Variants in FLG observed in about 807,000 individuals in gnomAD.
FLG encodes epidermal filaggrin.
FLG carries 6 observed loss-of-function variants against 3.8 expected under a neutral mutation model. The observed-to-expected ratio is 1.60, with a 90% CI of 0.87 to 3.15. FLG has a LOEUF of 3.15. Among genes scored for constraint, FLG ranks in the 30% most tolerant of loss-of-function variants. The pLI, the probability that FLG is intolerant of heterozygous loss-of-function variation, is 0.00. For missense variants in FLG, 7,595 were observed against 5,050.9 expected, an observed-to-expected ratio of 1.50 and a Z score of -15.27; for synonymous variants, 2,551 against 1,931.6, an observed-to-expected ratio of 1.32 and a Z score of -8.41.
chr1:152,303,343 C>A lies in FLG; in HGVS notation c.11543G>T (p.Gly3848Val), dbSNP rs780944348. The A allele has an allele frequency of 1.2e-6, 2 of 1,614,170 alleles. No homozygotes were observed. The highest frequency in any genetic ancestry group is 1.7e-5 in the Admixed American group (1 of 60,022). Residue 3848 changes from glycine (G) to valine (V), a missense_variant, in exon 3 of 3, where the codon GGT (glycine) becomes GTT (valine). Coordinates refer to ENST00000368799, the MANE Select transcript of FLG (RefSeq NM_002016.2). ...GCTTCTCCTGGACCCCGCTGATTCA[C>A]CCTGGCCGGACTGTGAGTGTCTAGA... ...DSSRHSQSGQ[G>V]ESAGSRRSRR...
Position 152,310,281 on chromosome 1 carries a change from T to A in FLG, c.4605A>T (p.Ser1535=), listed in dbSNP as rs1329136578. 1.9e-6 allele frequency: 3 copies of A among 1,613,926 alleles called. No homozygotes were observed. The highest frequency in any genetic ancestry group is 1.1e-5 in the South Asian group (1 of 91,066). Residue 1535 remains serine, a synonymous_variant, in exon 3 of 3, where the codon TCA becomes TCT. Coordinates refer to ENST00000368799, the MANE Select transcript of FLG (RefSeq NM_002016.2). ...TTTGCCTGCTTGCACTTCTGGGTCC[T>A]GACTGCCCATGGGAGGCATCAGACC... ...QGRSDASHGQ[S]GPRSASRQTR...
At chr1:152,318,440 A>T (rs561583079) in intron 1 of FLG, among the ~76,000 whole-genome samples, 1 of 151,960 alleles carries the variant, frequency 6.6e-6, no homozygotes, top group African/African-American at 2.4e-5. Context: ...GGATCTCATG[A>T]CACCATATTC....
In FLG at chr1:152,311,126, G is replaced by C; in HGVS notation, c.3760C>G (p.Gln1254Glu). The change falls in exon 3 of 3, where the codon CAG becomes GAG. Residue 1254 changes from glutamine to glutamate, a missense_variant. Coordinates refer to ENST00000368799, the MANE Select transcript of FLG (RefSeq NM_002016.2). ...GTCCTGGACCCCGATGATTGTTCCTGTCCCACCTGTGAGTGTCTAGAGCTG... is the reference window on the plus strand; with the variant it reads ...GTCCTGGACCCCGATGATTGTTCCTCTCCCACCTGTGAGTGTCTAGAGCTG... The part of the protein sequence containing the change: ...ADSSRHSQVG[Q>E]EQSSGSRTSR... The C allele has an allele frequency of 6.2e-7, 1 of 1,613,824 alleles. No individual in the cohort carries two copies. Among genetic ancestry groups the C allele is most frequent in the Middle Eastern group, 1.6e-4 (1 of 6,062 alleles).
In FLG at chr1:152,312,455, C is replaced by T. The variant is rs1181890462; in HGVS notation, c.2431G>A (p.Gly811Arg). 2 of 1,613,656 alleles carry T rather than the reference C, an allele frequency of 1.2e-6. No homozygotes were observed. Among genetic ancestry groups the T allele is most frequent in the Non-Finnish European group, 1.7e-6 (2 of 1,179,888 alleles). Reference protein sequence around the residue: ...KQSESSHGWTGPSTGVRQGSH... With the variant: ...KQSESSHGWTRPSTGVRQGSH... Reference sequence around the variant, plus strand: ...CCTTGTCTTACTCCAGTGCTGGGCCCTGTCCATCCATGGGAGGACTCAGAC... The same window carrying T: ...CCTTGTCTTACTCCAGTGCTGGGCCTTGTCCATCCATGGGAGGACTCAGAC... The change falls in exon 3 of 3, where the codon GGG becomes AGG. Residue 811 changes from glycine (G) to arginine (R), a missense_variant. Physicochemically the swap from Gly to Arg is moderately radical, Grantham distance 125. Coordinates refer to ENST00000368799, the MANE Select transcript of FLG (RefSeq NM_002016.2).
At position 152,310,648 on chromosome 1, in the gene FLG, T is replaced by C. The variant is rs753681644; in HGVS notation, c.4238A>G (p.His1413Arg). The change falls in exon 3 of 3, where the codon CAC becomes CGC. Residue 1413 changes from histidine to arginine, a missense_variant. Transcript: ENST00000368799. The stretch of plus-strand genomic sequence containing the variant: ...CTGCTGATGGGGCCCAGCTTGTCCG[T>C]GGGCTGACACTGACTGTGTGTCTGA... ...EDSDTQSVSA[H>R]GQAGPHQQSH... 2.5e-6 allele frequency: 4 copies of C among 1,613,994 alleles called. No homozygotes were observed. The highest frequency in any genetic ancestry group is 2.2e-5 in the East Asian group (1 of 44,834).
At chr1:152,318,431 G>A (rs1009195769) in intron 1 of FLG, among the ~76,000 whole-genome samples, 4 of 151,354 alleles carry the variant, frequency 2.6e-5, no homozygotes, top group Non-Finnish European at 5.9e-5. Flanking sequence ...TTTTTTCTTG[G>A]ATCTCATGAC....
chr1:152,309,330 A>G lies in FLG; in HGVS notation c.5556T>C (p.Ser1852=). The G allele has an allele frequency of 6.2e-7, 1 of 1,613,870 alleles. No individual in the cohort carries two copies. Among genetic ancestry groups the G allele is most frequent in the African/African-American group, 1.3e-5 (1 of 74,908 alleles). ...ATCCTGACTGCCCACGGGAGACATCAGACCTTTCCTGGGACGTGGTGTGGC... is the reference window on the plus strand; with the variant it reads ...ATCCTGACTGCCCACGGGAGACATCGGACCTTTCCTGGGACGTGGTGTGGC... The part of the protein sequence containing the change: ...HHSHTTSQER[S]DVSRGQSGSR... The change falls in exon 3 of 3, where the codon TCT becomes TCC. Residue 1852 remains serine (S), a synonymous_variant. Coordinates refer to ENST00000368799, the MANE Select transcript of FLG (RefSeq NM_002016.2).
chr1:152,304,692 A>G lies in FLG; in HGVS notation c.10194T>C (p.Ser3398=), dbSNP rs3091276. The change falls in exon 3 of 3, where the codon TCT becomes TCC. Residue 3398 remains serine (S), a synonymous_variant. Coordinates refer to ENST00000368799, the MANE Select transcript of FLG (RefSeq NM_002016.2). ...YQVSTHEQSE[S]AHGRTRTSTG... ...TGCTGGTCCTGGTCCGCCCATGGGC[A>G]GACTCAGACTGTTCATGAGTGCTCA... 327,513 of 1,561,328 alleles carry G rather than the reference A, an allele frequency of 0.21. 53,045 individuals carry two copies. Among genetic ancestry groups the G allele is most frequent in the East Asian group, 0.62 (26,756 of 43,180 alleles).
rs774970349 is a variant in FLG, at chr1:152,308,374, G to A, written c.6512C>T (p.Thr2171Ile). The A allele has an allele frequency of 1.2e-6, 2 of 1,613,690 alleles. No individual in the cohort carries two copies. The highest frequency in any genetic ancestry group is 1.3e-5 in the African/African-American group (1 of 74,952). ...SGHSGSHHSHTTSQGRSDASR... is the reference protein window; with the variant it reads ...SGHSGSHHSHITSQGRSDASR... ...GGCATCAGACCTTCCCTGGGATGTGGTGTGGCTGTGATGAGACCCTGAGTG... is the reference window on the plus strand; with the variant it reads ...GGCATCAGACCTTCCCTGGGATGTGATGTGGCTGTGATGAGACCCTGAGTG... Residue 2171 changes from threonine to isoleucine, a missense_variant, in exon 3 of 3, where the codon ACC (threonine) becomes ATC (isoleucine). By Grantham distance (89) the Thr-to-Ile change is moderately conservative (BLOSUM62 -1). Transcript: ENST00000368799.
At position 152,314,593 on chromosome 1, in the gene FLG, C is replaced by T. The variant is rs1405351834; in HGVS notation, c.293G>A (p.Gly98Glu). Residue 98 changes from glycine to glutamate, a missense_variant, in exon 3 of 3, where the codon GGA becomes GAA. By Grantham distance (98) the Gly-to-Glu change is moderately conservative. Coordinates refer to ENST00000368799, the MANE Select transcript of FLG (RefSeq NM_002016.2). ...ATGACTGTGCTTTCTGTGCTTGTGT[C>T]CTGATATCGGTAAATTCTCTTTTCT... ...STRKENLPIS[G>E]HKHRKHSHHD... 1 of 1,613,818 alleles carries T rather than the reference C, an allele frequency of 6.2e-7. No homozygotes were observed. Among genetic ancestry groups the T allele is most frequent in the Non-Finnish European group, 8.5e-7 (1 of 1,179,914 alleles).
In FLG at chr1:152,311,900, C is replaced by G; in HGVS notation, c.2986G>C (p.Gly996Arg). ...TGTCTGGAGCTGTCTGCAGAGTGCC[C>G]GTGACCGGCTCTGTCTTCGTGATGG... ...RSHHEDRAGH[G>R]HSADSSRQSG... The change falls in exon 3 of 3, where the codon GGG becomes CGG. Residue 996 changes from glycine to arginine, a missense_variant. By Grantham distance (125) the Gly-to-Arg change is moderately radical. Coordinates refer to ENST00000368799, the MANE Select transcript of FLG (RefSeq NM_002016.2). 2 of 1,614,072 alleles carry G rather than the reference C, an allele frequency of 1.2e-6. No homozygotes were observed. Among genetic ancestry groups the G allele is most frequent in the South Asian group, 1.1e-5 (1 of 91,056 alleles).
Position 152,305,163 on chromosome 1 carries a change from T to A in FLG, c.9723A>T (p.Gly3241=). The change falls in exon 3 of 3, where the codon GGA becomes GGT. Residue 3241 remains glycine (G), a synonymous_variant. Transcript: ENST00000368799. The part of the protein sequence containing the change: ...WSGSASRNHR[G]SVQEQSRHGS... ...CGTGCCTTGACTGCTCCTGAACAGA[T>A]CCACGATGGTTTCTGGAAGCAGACC... 1.9e-6 allele frequency: 3 copies of A among 1,613,778 alleles called. No homozygotes were observed. Among genetic ancestry groups the A allele is most frequent in the Non-Finnish European group, 2.5e-6 (3 of 1,179,954 alleles).
chr1:152,303,542 C>T lies in FLG; in HGVS notation c.11344G>A (p.Gly3782Arg). Residue 3782 changes from glycine to arginine, a missense_variant, in exon 3 of 3, where the codon GGA becomes AGA. Transcript: ENST00000368799. ...TGGCTGTGATGGGACCCTGAGTGTC[C>T]AGACCTATCTACCGATTGCTCGTGG... Reference protein sequence around the residue: ...SYHEQSVDRSGHSGSHHSHTT... With the variant: ...SYHEQSVDRSRHSGSHHSHTT... 1 of 1,614,052 alleles carries T rather than the reference C, an allele frequency of 6.2e-7. No homozygotes were observed. The highest frequency in any genetic ancestry group is 8.5e-7 in the Non-Finnish European group (1 of 1,180,010).
rs553409942 is a variant in FLG at position 152,303,527 on chromosome 1, G to T, written c.11359C>A (p.His3787Asn). 1 of 1,614,066 alleles carries T rather than the reference G, an allele frequency of 6.2e-7. No individual in the cohort carries two copies. The highest frequency in any genetic ancestry group is 2.2e-5 in the East Asian group (1 of 44,842). Residue 3787 changes from histidine to asparagine, a missense_variant, in exon 3 of 3, where the codon CAT becomes AAT. Physicochemically the swap from His to Asn is moderately conservative, Grantham distance 68 (BLOSUM62 1). Transcript: ENST00000368799. ...CCCTGGGATGTGGTGTGGCTGTGATGGGACCCTGAGTGTCCAGACCTATCT... is the reference window on the plus strand; with the variant it reads ...CCCTGGGATGTGGTGTGGCTGTGATTGGACCCTGAGTGTCCAGACCTATCT... ...SVDRSGHSGS[H>N]HSHTTSQGRS...
rs1184626805 is a variant in FLG at position 152,306,272 on chromosome 1, G to A, written c.8614C>T (p.Gln2872Ter). ...STHADISRHS[Q>*]AVQGQSEGSR... ...CCCTCTGATTGTCCCTGGACTGCCT[G>A]TGAGTGTCTAGAGATGTCGGCATGA... is the stretch of plus-strand genomic sequence containing the variant. The change falls in exon 3 of 3, where the codon CAG becomes TAG. Residue 2872 changes from glutamine to a stop codon, truncating the protein, a stop_gained. Coordinates refer to ENST00000368799, the MANE Select transcript of FLG (RefSeq NM_002016.2). LOFTEE classifies it low-confidence loss of function (END_TRUNC). 3 of 1,605,176 alleles carry A rather than the reference G, an allele frequency of 1.9e-6. No homozygotes were observed. Among genetic ancestry groups the A allele is most frequent in the African/African-American group, 1.5e-5 (1 of 66,172 alleles).
In FLG at chr1:152,308,244, GGAA is replaced by G. The variant is rs763539036; in HGVS notation, c.6639_6641del (p.Ser2215del). ...AGTGTCTAGAGCTGTCGGCCCAAGA[GGAA>G]GCTTCATGATGATGCGACCCTGAGT... On this transcript the variant is annotated inframe_deletion, in exon 3 of 3. Coordinates refer to ENST00000368799, the MANE Select transcript of FLG (RefSeq NM_002016.2). The G allele has an allele frequency of 6.2e-7, 1 of 1,614,014 alleles. No homozygotes were observed. Among genetic ancestry groups the G allele is most frequent in the Non-Finnish European group, 8.5e-7 (1 of 1,179,942 alleles).
In FLG at chr1:152,313,025, C is replaced by T. The variant is rs765740674; in HGVS notation, c.1861G>A (p.Val621Ile). 11 of 1,613,930 alleles carry T rather than the reference C, an allele frequency of 6.8e-6. No homozygotes were observed. The African/African-American group carries it at 1.5e-4, about 22-fold the overall frequency. ...CCCTGACTGTCACTGTCCTGGCTAACACTGGATCCCTGGTTCCTACTTGTC... is the reference window on the plus strand; with the variant it reads ...CCCTGACTGTCACTGTCCTGGCTAATACTGGATCCCTGGTTCCTACTTGTC... The part of the protein sequence containing the change: ...PRTSRNQGSS[V>I]SQDSDSQGHS... Residue 621 changes from valine to isoleucine, a missense_variant, in exon 3 of 3, where the codon GTT (valine) becomes ATT (isoleucine). Val to Ile is a conservative substitution (Grantham distance 29, BLOSUM62 3). Coordinates refer to ENST00000368799, the MANE Select transcript of FLG (RefSeq NM_002016.2).
At position 152,304,117 on chromosome 1, in the gene FLG, T is replaced by A. The variant is rs781247285; in HGVS notation, c.10769A>T (p.His3590Leu). ...SHHEDRAGHG[H>L]SAESSRQSGT... Reference sequence around the variant, plus strand: ...TGATTGTCTGGAGCTCTCTGCAGAGTGCCCGTGACCGGCTCTGTCTTCGTG... The same window carrying A: ...TGATTGTCTGGAGCTCTCTGCAGAGAGCCCGTGACCGGCTCTGTCTTCGTG... The change falls in exon 3 of 3, where the codon CAC (histidine) becomes CTC (leucine). Residue 3590 changes from histidine to leucine, a missense_variant. Coordinates refer to ENST00000368799, the MANE Select transcript of FLG (RefSeq NM_002016.2). 1.1e-5 allele frequency: 18 copies of A among 1,586,912 alleles called. 1 individual carries two copies. The African/African-American group carries it at 1.7e-4, about 15-fold the overall frequency.
At chr1:152,315,561 C>G in intron 1 of FLG, 84 bp from the exon 2 acceptor site, 1 of 1,063,758 alleles carries the variant, frequency 9.4e-7, no homozygotes, top group Non-Finnish European at 1.4e-6. Flanking sequence ...ACATTTTAAA[C>G]CTACATTTTC....
Sources: allele counts gnomAD v4.1 joint callset (sites outside exome capture counted in the v4.1 genomes callset), GRCh38; gene constraint gnomAD v4.1.1; transcripts MANE v1.5; gene names NCBI Gene and HGNC (gene_info 2026-07-23, HGNC 2026-07-21).